MOB3B: variants seen among roughly 807,000 people sequenced by gnomAD.
MOB3B encodes the protein MOB kinase activator 3B.
MOB3B carries 7 observed loss-of-function variants against 18.7 expected under a neutral mutation model. The observed-to-expected ratio is 0.37, with a 90% confidence interval of 0.21 to 0.70. MOB3B has a LOEUF of 0.70. Among genes scored for constraint, MOB3B ranks in the 30% least tolerant of loss-of-function variants. The pLI is 0.52. For missense variants in MOB3B, 253 were observed against 281.3 expected (o/e 0.90, Z 0.72); for synonymous variants, 111 against 99.9 (o/e 1.11, Z -0.66).
chr9:27,441,765 T>C, intron 2 of MOB3B, among the ~76,000 whole-genome samples: 1 of 152,190 alleles, frequency 6.6e-6, no homozygotes, highest in East Asian at 1.9e-4. Context: ...CGTAATGCAA[T>C]TGTCGCTTGT....
At chr9:27,362,240 C>T (rs1325516601) in intron 2 of MOB3B, among the ~76,000 whole-genome samples, 2 of 152,034 alleles carry the variant, frequency 1.3e-5, no homozygotes. Context: ...TCTGGAAGAC[C>T]TAGTTTAAAA....
At chr9:27,417,167 T>A (rs1291384786) in intron 2 of MOB3B, among the ~76,000 whole-genome samples, 10 of 152,040 alleles carry the variant, frequency 6.6e-5, no homozygotes, top group Non-Finnish European at 7.4e-5. Context: ...ATCGAGACCA[T>A]CCTGGATAAC....
intron 1 of MOB3B, among the ~76,000 whole-genome samples, chr9:27,493,958 A>G (rs1819860731): frequency 1.3e-5 from 2 of 152,196 alleles, no homozygotes; most frequent in South Asian, 2.1e-4. Flanking sequence ...AATGGGAGAA[A>G]TATCGCTGAA....
intron 3 of MOB3B, among the ~76,000 whole-genome samples, chr9:27,347,387 C>T (rs926416563): frequency 6.6e-6 from 1 of 152,236 alleles, no homozygotes; most frequent in Non-Finnish European, 1.5e-5. Context: ...CACTGAGGAC[C>T]AAGCCTGGCC....
chr9:27,425,750 G>A (rs1379742470), intron 2 of MOB3B, among the ~76,000 whole-genome samples: 3 of 151,898 alleles, frequency 2.0e-5, no homozygotes, highest in African/African-American at 7.3e-5. Flanking sequence ...GTGTTCATTA[G>A]AAGGCATGAG....
intron 2 of MOB3B, among the ~76,000 whole-genome samples, chr9:27,366,958 T>A (rs1183236986): frequency 6.6e-6 from 1 of 152,242 alleles, no homozygotes; most frequent in Non-Finnish European, 1.5e-5. Flanking sequence ...CCTGCATAGA[T>A]CACACATGGT....
At chr9:27,345,450 T>C (rs976826945) in intron 3 of MOB3B, among the ~76,000 whole-genome samples, 1 of 152,158 alleles carries the variant, frequency 6.6e-6, no homozygotes, top group African/African-American at 2.4e-5. Flanking sequence ...GTTGCCATCA[T>C]TTAAAACTCT....
chr9:27,427,259 G>A (rs2069031), intron 2 of MOB3B, among the ~76,000 whole-genome samples: 23,250 of 152,208 alleles, frequency 0.15, 2,071 homozygotes, highest in Middle Eastern at 0.22. Flanking sequence ...TTCAACAAAA[G>A]GAGAAACTTC....
chr9:27,370,449 G>A (rs150836683), intron 2 of MOB3B, among the ~76,000 whole-genome samples: 130 of 151,284 alleles, frequency 8.6e-4, no homozygotes, highest in African/African-American at 1.6e-3. Flanking sequence ...CAGAGGTTGC[G>A]GTGAGCCAAT....
chr9:27,342,588 T>C (rs537471702), intron 3 of MOB3B, among the ~76,000 whole-genome samples: 1 of 152,314 alleles, frequency 6.6e-6, no homozygotes, highest in African/African-American at 2.4e-5. Context: ...TGCCTCAGCC[T>C]GCAGAGTGCC....
At chr9:27,401,550 C>T (rs1821879398) in intron 2 of MOB3B, among the ~76,000 whole-genome samples, 1 of 152,188 alleles carries the variant, frequency 6.6e-6, no homozygotes, top group African/African-American at 2.4e-5. Context: ...GCAGTACTGA[C>T]AACTCCACAG....
At chr9:27,359,788 C>T (rs1821247401) in intron 2 of MOB3B, among the ~76,000 whole-genome samples, 1 of 152,162 alleles carries the variant, frequency 6.6e-6, no homozygotes, top group Non-Finnish European at 1.5e-5. Context: ...TTTCATAACA[C>T]AGAAAGGGTG....
chr9:27,398,553 C>T (rs1821833255), intron 2 of MOB3B, among the ~76,000 whole-genome samples: 1 of 152,154 alleles, frequency 6.6e-6, no homozygotes, highest in Admixed American at 6.5e-5. Flanking sequence ...ATTCCCTCTT[C>T]ATGGAGAATC....
At chr9:27,442,129 T>C (rs1822603972) in intron 2 of MOB3B, among the ~76,000 whole-genome samples, 1 of 152,222 alleles carries the variant, frequency 6.6e-6, no homozygotes, top group Non-Finnish European at 1.5e-5. Context: ...AATGGGCTTA[T>C]TACTTTCTCA....
At chr9:27,347,563 G>A (rs1821045763) in intron 3 of MOB3B, among the ~76,000 whole-genome samples, 2 of 152,312 alleles carry the variant, frequency 1.3e-5, no homozygotes, top group Non-Finnish European at 2.9e-5. Flanking sequence ...CCAGCAGGGG[G>A]TAACAAAAAC....
At chr9:27,347,298 T>C (rs1821041822) in intron 3 of MOB3B, among the ~76,000 whole-genome samples, 1 of 152,264 alleles carries the variant, frequency 6.6e-6, no homozygotes, top group African/African-American at 2.4e-5. Context: ...TGGTAACTGC[T>C]GATCTTGGCT....
intron 3 of MOB3B, among the ~76,000 whole-genome samples, chr9:27,332,975 C>T (rs999700903): frequency 6.6e-6 from 1 of 152,172 alleles, no homozygotes; most frequent in Admixed American, 6.5e-5. Context: ...TAGGTGGTTG[C>T]AGTCATTCAT....
chr9:27,346,284 A>C (rs1821030238), intron 3 of MOB3B, among the ~76,000 whole-genome samples: 1 of 152,158 alleles, frequency 6.6e-6, no homozygotes, highest in South Asian at 2.1e-4. Context: ...TCTGTTGTTT[A>C]TAAATTACCC....
At chr9:27,331,106 T>C (rs1820782388) in intron 3 of MOB3B, among the ~76,000 whole-genome samples, 1 of 151,936 alleles carries the variant, frequency 6.6e-6, no homozygotes, top group South Asian at 2.1e-4. Flanking sequence ...TAAGTGGGTA[T>C]AAGTCAAGAA....
Sources: allele counts gnomAD v4.1 joint callset (sites outside exome capture counted in the v4.1 genomes callset), GRCh38; gene constraint gnomAD v4.1.1; transcripts MANE v1.5; gene names NCBI Gene and HGNC (gene_info 2026-07-23, HGNC 2026-07-21).